The following FAAH2 variants were observed in gnomAD, a reference collection of about 807,000 sequenced individuals.
The protein encoded by FAAH2 is fatty-acid amide hydrolase 2.
FAAH2 carries 60 observed loss-of-function variants against 36.9 expected under a neutral mutation model. The observed-to-expected ratio is 1.63, with a 90% CI of 1.32 to 2.02. The LOEUF is 2.02. FAAH2 is among the 30% of genes most tolerant of loss of function. The pLI, the probability that FAAH2 is intolerant of heterozygous loss-of-function variation, is 0.00. For missense variants in FAAH2, 689 were observed against 397.5 expected, an observed-to-expected ratio of 1.73 and a Z score of -6.23; for synonymous variants, 214 against 143.8, an observed-to-expected ratio of 1.49 and a Z score of -3.49.
At chrX:57,208,228 C>G in the FAAH2 span, among the ~76,000 whole-genome samples, 1 of 112,339 alleles carries the variant, frequency 8.9e-6, no homozygotes, top group Admixed American at 9.4e-5. Context: ...GGAGGGGATG[C>G]AGAAGGGTAG....
At chrX:57,319,697 G>C (rs1276323381) in intron 3 of FAAH2, among the ~76,000 whole-genome samples, 1 of 111,946 alleles carries the variant, frequency 8.9e-6, no homozygotes, top group East Asian at 2.8e-4. Context: ...AACCAAAAAA[G>C]AGCTCCGATA....
intron 5 of FAAH2, among the ~76,000 whole-genome samples, chrX:57,369,206 T>C (rs2054491837): frequency 9.1e-6 from 1 of 109,512 alleles, no homozygotes; most frequent in Non-Finnish European, 1.9e-5. Context: ...AAAGAGCAAA[T>C]AATGTAAAAG....
intron 2 of FAAH2, among the ~76,000 whole-genome samples, chrX:57,305,062 T>TG (rs1569244075): frequency 2.0e-4 from 21 of 103,812 alleles, no homozygotes; most frequent in Admixed American, 1.8e-3. Flanking sequence ...TTCTGTAATT[T>TG]TGTGTGTGTG....
intron 10 of FAAH2, among the ~76,000 whole-genome samples, chrX:57,449,459 T>C (rs2056743640): frequency 8.9e-6 from 1 of 112,104 alleles, no homozygotes; most frequent in Non-Finnish European, 1.9e-5. Context: ...TTATTTCCTA[T>C]CTAGGAAGTC....
chrX:57,399,643 G>A, intron 7 of FAAH2, among the ~76,000 whole-genome samples: 1 of 111,659 alleles, frequency 9.0e-6, no homozygotes, highest in East Asian at 2.8e-4. Context: ...GACCCCAGTA[G>A]TGTAAGATTG....
At chrX:57,444,282 G>C (rs1308908373) in intron 8 of FAAH2, among the ~76,000 whole-genome samples, 1 of 112,003 alleles carries the variant, frequency 8.9e-6, no homozygotes, top group Non-Finnish European at 1.9e-5. Context: ...CAGCCGTTTT[G>C]TTTACCTAGT....
chrX:57,266,705 G>A, the FAAH2 span, among the ~76,000 whole-genome samples: 46 of 112,449 alleles, frequency 4.1e-4, no homozygotes, highest in African/African-American at 1.4e-3. Context: ...GGGGCCCAGA[G>A]CACAGACCAT....
At chrX:57,319,656 A>T (rs1047090899) in intron 3 of FAAH2, among the ~76,000 whole-genome samples, 1 of 112,253 alleles carries the variant, frequency 8.9e-6, no homozygotes, top group Non-Finnish European at 1.9e-5. Flanking sequence ...TTTTCACAGA[A>T]TTGGGAAAAA....
At chrX:57,384,642 T>G (rs1367710035) in intron 7 of FAAH2, among the ~76,000 whole-genome samples, 1 of 110,623 alleles carries the variant, frequency 9.0e-6, no homozygotes, top group African/African-American at 3.2e-5. Flanking sequence ...CTCACACCAG[T>G]TAGAATGGCA....
chrX:57,150,074 G>C, the FAAH2 span, among the ~76,000 whole-genome samples: 5 of 112,188 alleles, frequency 4.5e-5, no homozygotes, highest in Non-Finnish European at 9.4e-5. Context: ...ACGGTTTTGA[G>C]AGCGTTTCTT....
At chrX:57,225,715 C>T in the FAAH2 span, among the ~76,000 whole-genome samples, 3 of 111,474 alleles carry the variant, frequency 2.7e-5, no homozygotes, top group Admixed American at 2.8e-4. Flanking sequence ...TCTTGATGAC[C>T]TGTCTATTGC....
chrX:57,385,297 A>G (rs1045024840), intron 7 of FAAH2, among the ~76,000 whole-genome samples: 1 of 104,964 alleles, frequency 9.5e-6, no homozygotes, highest in African/African-American at 3.4e-5. Flanking sequence ...AAAAAAAAAG[A>G]CATGTAAAAC....
chrX:57,172,527 A>G, the FAAH2 span, among the ~76,000 whole-genome samples: 3 of 111,842 alleles, frequency 2.7e-5, no homozygotes, highest in Non-Finnish European at 5.6e-5. Flanking sequence ...GTGTTAACGA[A>G]CTCAATTAGA....
the FAAH2 span, among the ~76,000 whole-genome samples, chrX:57,194,017 C>T: frequency 9.0e-6 from 1 of 110,988 alleles, no homozygotes; most frequent in Non-Finnish European, 1.9e-5. Flanking sequence ...CTGGTTTTGG[C>T]ATCAGTTAAA....
chrX:57,420,359 A>T lies in FAAH2; in HGVS notation c.997-11559A>T, dbSNP rs1165440429. On this transcript the variant is annotated intron_variant, in intron 7 of 10. Coordinates refer to ENST00000374900, the MANE Select transcript of FAAH2 (RefSeq NM_174912.4). ...GATTCTTCCTACCCATGAGTATTGA[A>T]TGTTCTTCCATTTGTTTGTATCCTC... Among the ~76,000 whole-genome samples the T allele has an allele frequency of 2.7e-5, 3 of 111,579 alleles. No individual in the cohort carries two copies. In the East Asian group the frequency reaches 8.4e-4, roughly 31 times the overall value.
chrX:57,457,066 C>G (rs1345873281), intron 10 of FAAH2, among the ~76,000 whole-genome samples: 2 of 111,815 alleles, frequency 1.8e-5, no homozygotes, highest in African/African-American at 6.5e-5. Context: ...TAATAGCAAA[C>G]TAAATCCACC....
Position 57,446,461 on chromosome X carries a change from A to G in FAAH2, c.1117-467A>G, listed in dbSNP as rs752664125. 4.6e-4 allele frequency among the ~76,000 whole-genome samples: 52 copies of G among 111,867 alleles called. 1 individual carries two copies. Among genetic ancestry groups the G allele is most frequent in the African/African-American group, 1.7e-3 (51 of 30,767 alleles). On this transcript the variant is annotated intron_variant, in intron 8 of 10. Coordinates refer to ENST00000374900, the MANE Select transcript of FAAH2 (RefSeq NM_174912.4). ...ATATACCATGCAATGTGCCTATTTAATGTATACAATGTAATGGATTTTAGT... is the reference window on the plus strand; with the variant it reads ...ATATACCATGCAATGTGCCTATTTAGTGTATACAATGTAATGGATTTTAGT...
At chrX:57,193,931 T>C in the FAAH2 span, among the ~76,000 whole-genome samples, 5 of 111,853 alleles carry the variant, frequency 4.5e-5, no homozygotes, top group Non-Finnish European at 9.4e-5. Context: ...TAGTATTTTG[T>C]TGCAGTTTTT....
the FAAH2 span, among the ~76,000 whole-genome samples, chrX:57,276,823 A>G: frequency 1.8e-5 from 2 of 112,285 alleles, no homozygotes; most frequent in Middle Eastern, 4.6e-3. Context: ...TAGAAAATCT[A>G]GAAGAAATGG....
Sources: gnomAD v4.1 joint callset for allele counts (sites outside exome capture counted in the v4.1 genomes callset) on GRCh38, gnomAD v4.1.1 for gene constraint, MANE v1.5 for transcripts, NCBI Gene and HGNC (gene_info 2026-07-23, HGNC 2026-07-21) for gene names.